Variants in VWA8 observed in about 807,000 individuals in gnomAD.
VWA8 encodes von Willebrand factor A domain-containing protein 8.
VWA8 carries 221 observed loss-of-function variants against 241.5 expected under a neutral mutation model. The observed-to-expected ratio is 0.91, with a 90% CI of 0.82 to 1.02. The LOEUF (loss-of-function observed/expected upper bound fraction) is 1.02. VWA8 is among the 50% of genes least tolerant of loss of function. The pLI, the probability that VWA8 is intolerant of heterozygous loss-of-function variation, is 0.00. For missense variants in VWA8, 2,322 were observed against 2,328.7 expected, an observed-to-expected ratio of 1.00 and a Z score of 0.06; for synonymous variants, 852 against 827.1, an observed-to-expected ratio of 1.03 and a Z score of -0.52.
rs12874348 is a variant in VWA8 at position 41,604,782 on chromosome 13, C to T, written c.4986+386G>A. 7.3e-3 allele frequency among the ~76,000 whole-genome samples: 1,116 copies of T among 152,248 alleles called. 8 individuals are homozygous for T. Among genetic ancestry groups the T allele is most frequent in the South Asian group, 0.033 (157 of 4,828 alleles). On this transcript the variant is annotated intron_variant, in intron 40 of 44. Coordinates refer to ENST00000379310, the MANE Select transcript of VWA8 (RefSeq NM_015058.2). ...CTCAGCCCCTCCTAAATTATTTGTGCAAACTGACCACAGAGCACAATTTCT... is the reference window on the plus strand; with the variant it reads ...CTCAGCCCCTCCTAAATTATTTGTGTAAACTGACCACAGAGCACAATTTCT...
At chr13:41,675,094 G>GA (rs1164389883) in intron 36 of VWA8, 121 bp downstream of exon 36, 769 of 571,022 alleles carry the variant, frequency 1.3e-3, no homozygotes, top group Middle Eastern at 2.8e-3. Context: ...ACTGTAACTG[G>GA]AAAAAAAAAG....
chr13:41,913,686 A>G (rs1183285635), intron 2 of VWA8, among the ~76,000 whole-genome samples: 1 of 152,232 alleles, frequency 6.6e-6, no homozygotes, highest in East Asian at 1.9e-4. Flanking sequence ...AGGAAGATCA[A>G]GGACAAGGTT....
chr13:41,575,912 C>T, intron 42 of VWA8, 74 bp from the exon 43 acceptor site: 1 of 1,109,488 alleles, frequency 9.0e-7, no homozygotes. Context: ...TAATGTTCAA[C>T]TCTTTGGACC....
At chr13:41,799,473 G>T (rs1869850841) in intron 17 of VWA8, among the ~76,000 whole-genome samples, 1 of 152,146 alleles carries the variant, frequency 6.6e-6, no homozygotes, top group Non-Finnish European at 1.5e-5. Flanking sequence ...CCAAGCTCCA[G>T]GGAGACAGTA....
chr13:41,690,183 C>T lies in VWA8; in HGVS notation c.3959G>A (p.Gly1320Glu). Residue 1320 changes from glycine (G) to glutamate (E), a missense_variant, in exon 33 of 45, where the codon GGG becomes GAG. Transcript: ENST00000379310. ...GTATTTACCTTGTGTAACTCCAAAC[C>T]CTGTGCTGGGCGGCTCCTCTTTCAG... ...YVLKEEPPSTGFGVTQETEFS... is the reference protein window; with the variant it reads ...YVLKEEPPSTEFGVTQETEFS... 6.2e-7 allele frequency: 1 copy of T among 1,612,436 alleles called. No individual in the cohort carries two copies. The highest frequency in any genetic ancestry group is 8.5e-7 in the Non-Finnish European group (1 of 1,178,922).
intron 12 of VWA8, among the ~76,000 whole-genome samples, chr13:41,854,851 A>T (rs1872672511): frequency 6.6e-6 from 1 of 152,206 alleles, no homozygotes; most frequent in Non-Finnish European, 1.5e-5. Flanking sequence ...TTTAAAGGTT[A>T]GCAAATTGGC....
At chr13:41,922,121 A>G (rs1015408921) in intron 2 of VWA8, among the ~76,000 whole-genome samples, 2 of 152,220 alleles carry the variant, frequency 1.3e-5, no homozygotes, top group African/African-American at 4.8e-5. Context: ...GCCCTCAGAA[A>G]TAATACCACA....
At chr13:41,614,922 T>A in intron 38 of VWA8, 54 bp downstream of exon 38, 2 of 1,578,556 alleles carry the variant, frequency 1.3e-6, no homozygotes, top group Non-Finnish European at 1.7e-6. Context: ...GCTGGCCTAA[T>A]GGGCTTGGGA....
rs560483155 is a variant in VWA8 at position 41,627,620 on chromosome 13, G to C, written c.4612-12536C>G. ...GCTTGAACTTTGGGTTCATGGTGTT[G>C]CAACTGAGAAGGGCCCCTCCACACT... On this transcript the variant is annotated intron_variant, in intron 37 of 44. Coordinates refer to ENST00000379310, the MANE Select transcript of VWA8 (RefSeq NM_015058.2). 6.2e-4 allele frequency among the ~76,000 whole-genome samples: 95 copies of C among 152,272 alleles called. 3 individuals are homozygous for C. In the South Asian group the frequency reaches 0.019, roughly 30 times the overall value.
At position 41,581,183 on chromosome 13, in the gene VWA8, T is replaced by C; in HGVS notation, c.5272-5345A>G. ...GCCCGGCTAATTTTTTGTATTTTTT[T>C]AGTAGAGACGGGGTTTCACCGTGTT... On this transcript the variant is annotated intron_variant, in intron 42 of 44. Coordinates refer to ENST00000379310, the MANE Select transcript of VWA8 (RefSeq NM_015058.2). 1.6e-5 allele frequency among the ~76,000 whole-genome samples: 2 copies of C among 125,408 alleles called. 1 individual carries two copies. The highest frequency in any genetic ancestry group is 3.1e-5 in the Non-Finnish European group (2 of 64,662). The allele number at this position is 125,408 out of a possible 152,430, so 82.3% of individuals were successfully genotyped here.
chr13:41,689,195 T>C (rs921211203), intron 34 of VWA8, among the ~76,000 whole-genome samples, 159 bp downstream of exon 34: 8 of 152,154 alleles, frequency 5.3e-5, no homozygotes, highest in Non-Finnish European at 1.0e-4. Flanking sequence ...ACTATTTAGG[T>C]ATAACATATT....
rs555566617 is a variant in VWA8 at position 41,725,792 on chromosome 13, C to G, written c.2758+1402G>C. ...CTACAAACATAAAAAGAACTCAAACCTCTTTACAATTAGAAACAACTTTTC... is the reference window on the plus strand; with the variant it reads ...CTACAAACATAAAAAGAACTCAAACGTCTTTACAATTAGAAACAACTTTTC... On this transcript the variant is annotated intron_variant, in intron 24 of 44. Coordinates refer to ENST00000379310, the MANE Select transcript of VWA8 (RefSeq NM_015058.2). Among the ~76,000 whole-genome samples the G allele has an allele frequency of 2.0e-5, 3 of 152,254 alleles. No homozygotes were observed. The East Asian group carries it at 5.8e-4, about 29-fold the overall frequency.
chr13:41,571,284 TCTCCCTCTCC>T (rs2044300040), intron 43 of VWA8, among the ~76,000 whole-genome samples: 4 of 145,192 alleles, frequency 2.8e-5, no homozygotes, highest in African/African-American at 1.0e-4. Context: ...CCCTCTCCCG[TCTCCCTCTCC>T]CGTCTCCCTC....
chr13:41,824,017 G>C (rs750642124), intron 14 of VWA8, among the ~76,000 whole-genome samples: 5 of 152,172 alleles, frequency 3.3e-5, no homozygotes, highest in Admixed American at 6.5e-5. Context: ...TGCTAGCTCA[G>C]AAGGTCAACT....
intron 1 of VWA8, 58 bp downstream of exon 1, chr13:41,960,795 G>A: frequency 2.0e-6 from 3 of 1,469,146 alleles, no homozygotes; most frequent in South Asian, 1.3e-5. Context: ...GGGGGCGCGC[G>A]GGGACCCGGC....
intron 17 of VWA8, among the ~76,000 whole-genome samples, chr13:41,807,504 G>T (rs1870268726): frequency 1.3e-5 from 2 of 152,162 alleles, no homozygotes; most frequent in South Asian, 2.1e-4. Context: ...GACCAAGCGG[G>T]ATTTATGCCA....
Position 41,794,847 on chromosome 13 carries a change from C to G in VWA8, c.2064-7304G>C, listed in dbSNP as rs555961322. Among the ~76,000 whole-genome samples the G allele has an allele frequency of 3.9e-5, 6 of 152,002 alleles. No homozygotes were observed. The East Asian group carries it at 1.2e-3, about 29-fold the overall frequency. On this transcript the variant is annotated intron_variant, in intron 17 of 44. Coordinates refer to ENST00000379310, the MANE Select transcript of VWA8 (RefSeq NM_015058.2). The stretch of plus-strand genomic sequence containing the variant: ...ATGTAAAACCCAAAACCATAGAAAC[C>G]CTGGAAGAGAATCTAGGCAATACCA...
Position 41,791,702 on chromosome 13 carries a change from T to C in VWA8, c.2064-4159A>G, listed in dbSNP as rs116603772. ...CTCAATATTAAGGTGTTATGATAGA[T>C]AACTGTAAATGCATGCAACTTACTT... is the stretch of plus-strand genomic sequence containing the variant. On this transcript the variant is annotated intron_variant, in intron 17 of 44. Transcript: ENST00000379310. Among the ~76,000 whole-genome samples, 698 of 152,040 alleles carry C rather than the reference T, an allele frequency of 4.6e-3. 3 individuals carry two copies. Among genetic ancestry groups the C allele is most frequent in the Middle Eastern group, 0.024 (7 of 294 alleles).
intron 39 of VWA8, among the ~76,000 whole-genome samples, chr13:41,607,536 C>G (rs1259683888): frequency 6.6e-6 from 1 of 152,104 alleles, no homozygotes; most frequent in Non-Finnish European, 1.5e-5. Context: ...TGCCACCTAC[C>G]CCTTCATACC....
Sources: allele counts gnomAD v4.1 joint callset (sites outside exome capture counted in the v4.1 genomes callset), GRCh38; gene constraint gnomAD v4.1.1; transcripts MANE v1.5; gene names NCBI Gene and HGNC (gene_info 2026-07-23, HGNC 2026-07-21).